Variants in CD96 observed in about 807,000 individuals in gnomAD.
CD96 encodes CD96 molecule.
In CD96, 70 loss-of-function variants were observed where a neutral mutation model predicts 71.3. That is an observed-to-expected ratio of 0.98 (90% CI 0.81 to 1.20). The LOEUF (loss-of-function observed/expected upper bound fraction) is 1.20. Among genes scored for constraint, CD96 ranks in the 50% most tolerant of loss-of-function variants. The probability of loss-of-function intolerance (pLI) is 0.00; values close to 1 mark genes in which losing one functional copy is unlikely to be tolerated. For synonymous variants in CD96, 248 were observed against 233.0 expected (o/e 1.06, Z -0.59); for missense variants, 742 against 677.5 (o/e 1.10, Z -1.06).
chr3:111,606,172 T>C (rs1937619151), intron 7 of CD96, among the ~76,000 whole-genome samples: 1 of 152,148 alleles, frequency 6.6e-6, no homozygotes, highest in Admixed American at 6.5e-5. Context: ...AAAAATATTA[T>C]GACAAAAGTT....
chr3:111,627,869 T>C (rs1028456206), intron 10 of CD96, among the ~76,000 whole-genome samples: 5 of 152,178 alleles, frequency 3.3e-5, no homozygotes, highest in Admixed American at 2.6e-4. Flanking sequence ...AAAACCAATG[T>C]GACTAGGGTC....
At chr3:111,552,764 G>C (rs1934781907) in intron 2 of CD96, among the ~76,000 whole-genome samples, 1 of 152,118 alleles carries the variant, frequency 6.6e-6, no homozygotes. Flanking sequence ...GAAAGGGATT[G>C]TTTTGTTTTT....
At chr3:111,640,524 C>T (rs1040181988) in intron 12 of CD96, among the ~76,000 whole-genome samples, 1 of 152,076 alleles carries the variant, frequency 6.6e-6, no homozygotes, top group Non-Finnish European at 1.5e-5. Flanking sequence ...AATTGGTGTA[C>T]CAGAGGAAGA....
Position 111,631,630 on chromosome 3 carries a change from G to GAA in CD96, c.1322-5555_1322-5554dup, listed in dbSNP as rs201819541. On this transcript the variant is annotated intron_variant, in intron 10 of 13. Transcript: ENST00000352690. ...ACCATTGACATTCTTCACAGAACTG[G>GAA]AAAAAAAAAAAACTATTTTAAAAGA... is the stretch of plus-strand genomic sequence containing the variant. Among the ~76,000 whole-genome samples the GAA allele has an allele frequency of 6.3e-3, 895 of 142,764 alleles. 10 individuals are homozygous for GAA. The highest frequency in any genetic ancestry group is 0.022 in the African/African-American group (856 of 39,560). The allele number at this position is 142,764 out of a possible 152,430, so 93.7% of individuals were successfully genotyped here.
chr3:111,598,212 TA>T lies in CD96; in HGVS notation c.898+4del. On this transcript the variant is annotated splice_donor_region_variant and intron_variant, in intron 6 of 13. Transcript: ENST00000352690. ...GTTTTCTTCATGATGAAAAAGAAGG[TA>T]AGGAAACTAATCAATGGAAATAAGT... 1 of 1,186,960 alleles carries T rather than the reference TA, an allele frequency of 8.4e-7. No individual in the cohort carries two copies. Among genetic ancestry groups the T allele is most frequent in the Non-Finnish European group, 1.3e-6 (1 of 790,838 alleles). 73.5% of individuals were successfully genotyped at this position (1,186,960 alleles called of 1,614,324 possible).
At chr3:111,593,264 T>C (rs965537923) in intron 5 of CD96, 1 of 320,424 alleles carries the variant, frequency 3.1e-6, no homozygotes, top group East Asian at 5.1e-5. Context: ...GGCTGGTACA[T>C]TCTGCCCTGA....
Position 111,542,302 on chromosome 3 carries a change from T to C in CD96, c.54T>C (p.Phe18=), listed in dbSNP as rs371809999. ...TCTATTACATCATCCAGATACATTT[T>C]GTCAAGGGTAAGACTTCCAGTTGTC... ...CAVYYIIQIH[F]VKGVWEKTVN... is the part of the protein sequence containing the mutation. The change falls in exon 1 of 14, where the codon TTT becomes TTC. Residue 18 remains phenylalanine (F), a synonymous_variant. Coordinates refer to ENST00000352690, the MANE Select transcript of CD96 (RefSeq NM_005816.5). 2.5e-6 allele frequency: 4 copies of C among 1,613,562 alleles called. No individual in the cohort carries two copies. In the Admixed American group the frequency reaches 5.0e-5, roughly 20 times the overall value.
At chr3:111,592,779 A>G (rs769926349) in intron 5 of CD96, 3 of 152,232 alleles carry the variant, frequency 2.0e-5, no homozygotes, top group Non-Finnish European at 4.4e-5. Context: ...AATAAGTTTT[A>G]TATAATCTAT....
intron 10 of CD96, among the ~76,000 whole-genome samples, chr3:111,628,369 A>T (rs1336238723): frequency 1.3e-5 from 2 of 152,238 alleles, no homozygotes; most frequent in Admixed American, 6.5e-5. Flanking sequence ...CACTACAAAA[A>T]CTTCACAATG....
chr3:111,599,062 G>A (rs1178345777), intron 6 of CD96, among the ~76,000 whole-genome samples: 3 of 151,966 alleles, frequency 2.0e-5, no homozygotes, highest in Admixed American at 6.6e-5. Context: ...TCCGCCTCCC[G>A]GGTTCACGCC....
Position 111,652,345 on chromosome 3 carries a change from A to T in CD96, c.*2539A>T, listed in dbSNP as rs1038811224. ...TGTATGGCTATTTGTATTTAACAAGACTTAATCATCAGTAATTTGTATACA... is the reference window on the plus strand; with the variant it reads ...TGTATGGCTATTTGTATTTAACAAGTCTTAATCATCAGTAATTTGTATACA... On this transcript the variant is annotated 3_prime_UTR_variant, in exon 14 of 14. Coordinates refer to ENST00000352690, the MANE Select transcript of CD96 (RefSeq NM_005816.5). 8.5e-5 allele frequency: 13 copies of T among 152,132 alleles called. No individual in the cohort carries two copies. The highest frequency in any genetic ancestry group is 2.9e-4 in the African/African-American group (12 of 41,504). The allele number at this position is 152,132 out of a possible 1,614,324, so 9.4% of individuals were successfully genotyped here. A position where few individuals can be genotyped will look rare whatever the true frequency, so the allele number is the denominator to read the frequency against.
At chr3:111,665,931 C>T (rs1189776074), downstream of CD96, among the ~76,000 whole-genome samples, 1 of 152,196 alleles carries the variant, frequency 6.6e-6, no homozygotes, top group African/African-American at 2.4e-5. Flanking sequence ...TTTTACCCAT[C>T]ACCCCAAATT....
At chr3:111,661,813 A>G (rs1457354439) in intron 14 of CD96, among the ~76,000 whole-genome samples, 5 of 152,192 alleles carry the variant, frequency 3.3e-5, no homozygotes, top group Non-Finnish European at 5.9e-5. Context: ...CAGTTTTTCT[A>G]GGTGCATGGT....
downstream of CD96, among the ~76,000 whole-genome samples, chr3:111,656,781 T>A (rs1940240267): frequency 6.6e-6 from 1 of 152,116 alleles, no homozygotes. Context: ...ATGCTACCTT[T>A]GTGTAAGAAA....
rs186999157 is a variant in CD96, at chr3:111,650,668, T to C, written c.*862T>C. ...TCTGGGGATTTACCTGTTCATTTAA[T>C]CTGCCTGTTTTGATCTGTTTTGAAA... On this transcript the variant is annotated 3_prime_UTR_variant, in exon 14 of 14. Coordinates refer to ENST00000352690, the MANE Select transcript of CD96 (RefSeq NM_005816.5). 35 of 152,436 alleles carry C rather than the reference T, an allele frequency of 2.3e-4. No individual in the cohort carries two copies. The East Asian group carries it at 6.7e-3, about 29-fold the overall frequency. 9.4% of individuals were successfully genotyped at this position (152,436 alleles called of 1,614,324 possible).
chr3:111,550,942 G>A (rs534992164), intron 2 of CD96, among the ~76,000 whole-genome samples: 242 of 152,164 alleles, frequency 1.6e-3, no homozygotes, highest in African/African-American at 5.7e-3. Context: ...TGCCACATTT[G>A]GATTCCTTTT....
In CD96 at chr3:111,624,334, C is replaced by A. The variant is rs76343124; in HGVS notation, c.1251C>A (p.Pro417=). 4.2e-4 allele frequency: 668 copies of A among 1,605,106 alleles called. 2 individuals carry two copies. In the African/African-American group the frequency reaches 8.4e-3, roughly 20 times the overall value. The change falls in exon 10 of 14, where the codon CCC becomes CCA. Residue 417 remains proline, a splice_region_variant and synonymous_variant. Coordinates refer to ENST00000352690, the MANE Select transcript of CD96 (RefSeq NM_005816.5). ...TCTGAAAATAATTTTGTCTTTCAGCCAGCAATTCCAGTATGACTACCCGAG... is the reference window on the plus strand; with the variant it reads ...TCTGAAAATAATTTTGTCTTTCAGCAAGCAATTCCAGTATGACTACCCGAG... ...SALRPNTTPQ[P]SNSSMTTRGF...
intron 8 of CD96, among the ~76,000 whole-genome samples, chr3:111,608,647 A>T (rs149696107): frequency 1.3e-5 from 2 of 152,338 alleles, no homozygotes; most frequent in East Asian, 3.9e-4. Flanking sequence ...TTCTCACCAC[A>T]TTAGACACCA....
At chr3:111,553,245 A>G (rs1175714106) in intron 2 of CD96, among the ~76,000 whole-genome samples, 1 of 151,820 alleles carries the variant, frequency 6.6e-6, no homozygotes, top group Non-Finnish European at 1.5e-5. Flanking sequence ...TTAATCTGAA[A>G]GCTATATTAC....
Sources: allele counts gnomAD v4.1 joint callset (sites outside exome capture counted in the v4.1 genomes callset), GRCh38; gene constraint gnomAD v4.1.1; transcripts MANE v1.5; gene names NCBI Gene and HGNC (gene_info 2026-07-23, HGNC 2026-07-21).